The following PTPRR variants were observed in gnomAD, a reference collection of about 807,000 sequenced individuals.
PTPRR encodes protein tyrosine phosphatase receptor type R, also known as receptor-type tyrosine-protein phosphatase R.
In PTPRR, 38 loss-of-function variants were observed where a neutral mutation model predicts 77.2. The observed-to-expected ratio is 0.49, with a 90% CI of 0.38 to 0.65. The LOEUF is 0.65. Ranked by LOEUF, PTPRR falls within the 30% of genes least tolerant of loss-of-function variation. PTPRR has a pLI of 0.00. For missense variants in PTPRR, 744 were observed against 799.2 expected, an observed-to-expected ratio of 0.93 and a Z score of 0.83; for synonymous variants, 299 against 283.1, an observed-to-expected ratio of 1.06 and a Z score of -0.57.
intron 2 of PTPRR, among the ~76,000 whole-genome samples, chr12:70,876,718 C>T (rs2137098545): frequency 6.6e-6 from 1 of 152,218 alleles, no homozygotes; most frequent in Non-Finnish European, 1.5e-5. Context: ...AGTTATTTTG[C>T]ATTTGGATTA....
chr12:70,729,340 CTATCTATCTAT>C (rs1889572752), intron 6 of PTPRR, among the ~76,000 whole-genome samples: 1 of 92,470 alleles, frequency 1.1e-5, no homozygotes, highest in Non-Finnish European at 2.5e-5. Flanking sequence ...ATCTATCTAT[CTATCTATCTAT>C]CTATCTATCT....
At chr12:70,857,681 G>T (rs974060047) in intron 2 of PTPRR, among the ~76,000 whole-genome samples, 1 of 152,086 alleles carries the variant, frequency 6.6e-6, no homozygotes, top group Non-Finnish European at 1.5e-5. Context: ...GAGTGAATAT[G>T]GTTGGCTGCT....
At position 70,701,074 on chromosome 12, in the gene PTPRR, C is replaced by G. The variant is rs893221859; in HGVS notation, c.1194+63G>C. ...AGTATAGGACAGTATCATTTCCATA[C>G]GTCTCTAGTGCCCCATGTATCAAAA... On this transcript the variant is annotated intron_variant, in intron 7 of 13. Transcript: ENST00000283228. The G allele has an allele frequency of 7.7e-6, 12 of 1,549,370 alleles. No homozygotes were observed. The East Asian group carries it at 2.7e-4, about 35-fold the overall frequency.
chr12:70,738,353 A>G (rs149830824), intron 6 of PTPRR, among the ~76,000 whole-genome samples: 1 of 152,316 alleles, frequency 6.6e-6, no homozygotes, highest in Non-Finnish European at 1.5e-5. Flanking sequence ...TGATAGAAAA[A>G]AACACCCATT....
chr12:70,897,015 C>G (rs971435229), intron 1 of PTPRR, among the ~76,000 whole-genome samples: 1 of 151,844 alleles, frequency 6.6e-6, no homozygotes, highest in African/African-American at 2.4e-5. Context: ...GTTACTGTAG[C>G]CTTGTAGTAT....
chr12:70,662,458 A>G lies in PTPRR; in HGVS notation c.1608+37T>C. 1.6e-6 allele frequency: 2 copies of G among 1,253,014 alleles called. 1 individual carries two copies. Among genetic ancestry groups the G allele is most frequent in the South Asian group, 2.6e-5 (2 of 77,120 alleles). 77.6% of individuals were successfully genotyped at this position (1,253,014 alleles called of 1,614,324 possible). ...AGTAGAAATGTAATCCTCTAACATC[A>G]TCTACTTTGTAGATGGCTATAGCTA... On this transcript the variant is annotated intron_variant, in intron 11 of 13. Coordinates refer to ENST00000283228, the MANE Select transcript of PTPRR (RefSeq NM_002849.4).
At chr12:70,768,521 C>G (rs1046792290) in intron 2 of PTPRR, among the ~76,000 whole-genome samples, 1 of 152,162 alleles carries the variant, frequency 6.6e-6, no homozygotes, top group Non-Finnish European at 1.5e-5. Context: ...TAATCAATAA[C>G]TTACCAACCA....
chr12:70,919,692 T>G (rs944883052), intron 1 of PTPRR, among the ~76,000 whole-genome samples: 61 of 139,250 alleles, frequency 4.4e-4, no homozygotes, highest in Non-Finnish European at 6.0e-4. Flanking sequence ...TTTTTTTTTT[T>G]TTTTTTTTTT....
intron 13 of PTPRR, 129 bp from the exon 14 acceptor site, chr12:70,639,406 G>A (rs1885912151): frequency 1.4e-6 from 2 of 1,388,460 alleles, no homozygotes; most frequent in South Asian, 2.8e-5. Context: ...TGGTTCTTTT[G>A]TTATCCCTCT....
At chr12:70,651,728 T>C (rs1387455207) in intron 13 of PTPRR, among the ~76,000 whole-genome samples, 1 of 152,188 alleles carries the variant, frequency 6.6e-6, no homozygotes. Flanking sequence ...CAAGAAGTTT[T>C]ACAATAAACA....
At chr12:70,882,405 G>A (rs979641746) in intron 2 of PTPRR, among the ~76,000 whole-genome samples, 5 of 152,018 alleles carry the variant, frequency 3.3e-5, no homozygotes, top group African/African-American at 1.2e-4. Context: ...CTTCCCAGAG[G>A]ATATAGAACA....
intron 13 of PTPRR, among the ~76,000 whole-genome samples, chr12:70,644,613 C>T (rs1886129473): frequency 6.6e-6 from 1 of 152,214 alleles, no homozygotes; most frequent in Non-Finnish European, 1.5e-5. Context: ...TATCACTTAA[C>T]ATGTTTAGCA....
intron 2 of PTPRR, among the ~76,000 whole-genome samples, chr12:70,802,724 G>A (rs542492649): frequency 4.7e-4 from 72 of 152,272 alleles, no homozygotes; most frequent in African/African-American, 1.5e-3. Flanking sequence ...GTCTATGCCA[G>A]GGATTCTTTC....
Position 70,793,044 on chromosome 12 carries a change from G to A in PTPRR, c.358-28266C>T, listed in dbSNP as rs543011577. Among the ~76,000 whole-genome samples, 109 of 152,258 alleles carry A rather than the reference G, an allele frequency of 7.2e-4. 1 individual carries two copies. Among genetic ancestry groups the A allele is most frequent in the African/African-American group, 2.4e-3 (98 of 41,542 alleles). ...TCAGCAGTTTACCAATGGATAACTC[G>A]TTTTAAGAAGGGATGAGACAATGTT... On this transcript the variant is annotated intron_variant, in intron 2 of 13. Coordinates refer to ENST00000283228, the MANE Select transcript of PTPRR (RefSeq NM_002849.4).
chr12:70,710,203 C>A (rs1888773965), intron 6 of PTPRR, among the ~76,000 whole-genome samples: 1 of 152,074 alleles, frequency 6.6e-6, no homozygotes, highest in Admixed American at 6.6e-5. Flanking sequence ...CAAAAACAGA[C>A]ACGGAGACCA....
intron 5 of PTPRR, among the ~76,000 whole-genome samples, chr12:70,751,579 TCA>T (rs1338159710): frequency 3.9e-5 from 6 of 152,184 alleles, no homozygotes; most frequent in African/African-American, 1.4e-4. Context: ...GGTCCTTTAC[TCA>T]CATATTCACC....
chr12:70,884,409 T>C (rs1893201217), intron 2 of PTPRR, among the ~76,000 whole-genome samples: 1 of 152,018 alleles, frequency 6.6e-6, no homozygotes, highest in South Asian at 2.1e-4. Flanking sequence ...GGGGACAAAG[T>C]CATTAACAAA....
chr12:70,888,463 AGTT>A (rs756678802), intron 2 of PTPRR, among the ~76,000 whole-genome samples: 1 of 152,076 alleles, frequency 6.6e-6, no homozygotes, highest in Non-Finnish European at 1.5e-5. Context: ...TACTTTCAGT[AGTT>A]GTTGTTTAAC....
chr12:70,769,612 C>T (rs1045286280), intron 2 of PTPRR, among the ~76,000 whole-genome samples: 16 of 152,054 alleles, frequency 1.1e-4, no homozygotes, highest in Admixed American at 3.9e-4. Flanking sequence ...TCAATGCCAT[C>T]CCCATCAAGC....
Sources: gnomAD v4.1 joint callset for allele counts (sites outside exome capture counted in the v4.1 genomes callset) on GRCh38, gnomAD v4.1.1 for gene constraint, MANE v1.5 for transcripts, NCBI Gene and HGNC (gene_info 2026-07-23, HGNC 2026-07-21) for gene names.